The following ETV1 variants were observed in gnomAD, a reference collection of about 807,000 sequenced individuals.
ETV1 encodes the protein ETS translocation variant 1.
A neutral mutation model predicts 62.3 loss-of-function variants in ETV1; 27 were observed. That is an observed-to-expected ratio of 0.43 (90% confidence interval 0.32 to 0.60). The LOEUF (loss-of-function observed/expected upper bound fraction) is 0.60. Ranked by LOEUF, ETV1 falls within the 20% of genes least tolerant of loss-of-function variation. The pLI is 0.06. For synonymous variants in ETV1, 222 were observed against 199.6 expected, an observed-to-expected ratio of 1.11 and a Z score of -0.94; for missense variants, 605 against 605.8, an observed-to-expected ratio of 1.00 and a Z score of 0.01.
chr7:13,989,129 C>CT lies in ETV1; in HGVS notation c.-78dup, dbSNP rs1782830716. The CT allele has an allele frequency of 5.5e-6, 7 of 1,280,118 alleles. No homozygotes were observed. Among genetic ancestry groups the CT allele is most frequent in the Non-Finnish European group, 7.8e-6 (7 of 901,692 alleles). The allele number at this position is 1,280,118 out of a possible 1,614,324, so 79.3% of individuals were successfully genotyped here. On this transcript the variant is annotated 5_prime_UTR_variant, in exon 3 of 14. Coordinates refer to ENST00000430479, the MANE Select transcript of ETV1 (RefSeq NM_004956.5). ...GCTGGAGATTTCCTCAGGATCTGGA[C>CT]TTCTATCAACCTAGAGGGGAACAAG...
At chr7:13,896,743 G>GGAAAGAAAGAA (rs1781848504) in intron 13 of ETV1, among the ~76,000 whole-genome samples, 4 of 115,302 alleles carry the variant, frequency 3.5e-5, no homozygotes, top group Non-Finnish European at 7.0e-5. Flanking sequence ...AAGAAAGAAA[G>GGAAAGAAAGAA]GAAAGAAAGA....
chr7:13,938,370 A>C (rs1447360875), intron 7 of ETV1, among the ~76,000 whole-genome samples: 1 of 152,242 alleles, frequency 6.6e-6, no homozygotes, highest in Non-Finnish European at 1.5e-5. Flanking sequence ...ATAACTTATA[A>C]AACAGTATGA....
At chr7:13,972,095 G>C (rs1353638853) in intron 6 of ETV1, among the ~76,000 whole-genome samples, 1 of 151,928 alleles carries the variant, frequency 6.6e-6, no homozygotes, top group Non-Finnish European at 1.5e-5. Context: ...GGATGATACA[G>C]CGAGACTCTG....
At chr7:13,913,622 A>C (rs1032302879) in intron 9 of ETV1, among the ~76,000 whole-genome samples, 2 of 152,150 alleles carry the variant, frequency 1.3e-5, no homozygotes, top group Non-Finnish European at 2.9e-5. Flanking sequence ...CAAGTATTTA[A>C]ACTGAGTACT....
At chr7:13,948,072 T>C (rs1014047712) in intron 6 of ETV1, among the ~76,000 whole-genome samples, 1 of 152,214 alleles carries the variant, frequency 6.6e-6, no homozygotes, top group Non-Finnish European at 1.5e-5. Context: ...TTTTAGGCAA[T>C]CTGCCTTCTT....
intron 11 of ETV1, 24 bp from the exon 12 acceptor site, chr7:13,906,623 T>C (rs769109873): frequency 1.9e-6 from 3 of 1,546,388 alleles, no homozygotes; most frequent in East Asian, 4.6e-5. Flanking sequence ...TTTTTAAGTT[T>C]CTATTATTAG....
chr7:13,935,895 C>G lies in ETV1; in HGVS notation c.367G>C (p.Ala123Pro). 1 of 1,610,602 alleles carries G rather than the reference C, an allele frequency of 6.2e-7. No individual in the cohort carries two copies. Among genetic ancestry groups the G allele is most frequent in the Non-Finnish European group, 8.5e-7 (1 of 1,177,710 alleles). ...CCCACTTGTGGCTTCTGATCATAGG[C>G]ACTACCCAGGGGACAAAAGAAGAGA... is the stretch of plus-strand genomic sequence containing the variant. ...YGEKCLYNVS[A>P]YDQKPQVGMR... Residue 123 changes from alanine (A) to proline (P), a missense_variant and splice_region_variant, in exon 8 of 14, where the codon GCC becomes CCC. Coordinates refer to ENST00000430479, the MANE Select transcript of ETV1 (RefSeq NM_004956.5).
upstream of ETV1, chr7:13,990,782 A>G: frequency 6.6e-6 from 1 of 152,370 alleles, no homozygotes; most frequent in Non-Finnish European, 1.5e-5. Flanking sequence ...GGATAGGACC[A>G]GGGACTCAAT....
chr7:13,987,029 T>C, intron 4 of ETV1: 1 of 216,262 alleles, frequency 4.6e-6, no homozygotes, highest in Non-Finnish European at 8.9e-6. Context: ...CTTCCTTAAA[T>C]ATATTTAACT....
At chr7:13,936,704 C>G (rs1030887117) in intron 7 of ETV1, among the ~76,000 whole-genome samples, 2 of 152,086 alleles carry the variant, frequency 1.3e-5, no homozygotes, top group African/African-American at 4.8e-5. Flanking sequence ...ACTAAATTTT[C>G]TTAAATTTTT....
chr7:13,955,858 T>G (rs1274386057), intron 6 of ETV1, among the ~76,000 whole-genome samples: 1 of 152,170 alleles, frequency 6.6e-6, no homozygotes, highest in Non-Finnish European at 1.5e-5. Flanking sequence ...AGAACACATC[T>G]CTAATTTTTC....
intron 5 of ETV1, among the ~76,000 whole-genome samples, chr7:13,979,343 A>G (rs1781756726): frequency 6.6e-6 from 1 of 152,096 alleles, no homozygotes; most frequent in Non-Finnish European, 1.5e-5. Flanking sequence ...TGTCATTACA[A>G]CGCTCAGTTT....
intron 6 of ETV1, among the ~76,000 whole-genome samples, chr7:13,943,182 G>A (rs529107343): frequency 6.6e-6 from 1 of 152,252 alleles, no homozygotes; most frequent in African/African-American, 2.4e-5. Context: ...CAGGCCAGTA[G>A]TTCACAAAAG....
chr7:13,951,171 T>C (rs977637263), intron 6 of ETV1, among the ~76,000 whole-genome samples: 2 of 151,958 alleles, frequency 1.3e-5, no homozygotes, highest in South Asian at 2.1e-4. Flanking sequence ...TATGTACAAG[T>C]AAATGTGCAT....
intron 6 of ETV1, among the ~76,000 whole-genome samples, chr7:13,961,451 C>T (rs1190539999): frequency 6.6e-6 from 1 of 152,090 alleles, no homozygotes; most frequent in Non-Finnish European, 1.5e-5. Context: ...TAGCAATGAT[C>T]ATAAAATTAG....
intron 6 of ETV1, among the ~76,000 whole-genome samples, chr7:13,942,169 G>T (rs932961005): frequency 2.0e-5 from 3 of 151,580 alleles, no homozygotes; most frequent in Non-Finnish European, 2.9e-5. Context: ...GACTACAGGC[G>T]CCCGCCACCA....
chr7:13,940,381 GA>G (rs1054101254), intron 6 of ETV1, among the ~76,000 whole-genome samples: 5 of 143,092 alleles, frequency 3.5e-5, no homozygotes, highest in African/African-American at 1.3e-4. Flanking sequence ...AGAAAAAAAA[GA>G]AAAAAAAGAA....
intron 6 of ETV1, among the ~76,000 whole-genome samples, chr7:13,952,330 G>A (rs1788922254): frequency 6.6e-6 from 1 of 152,174 alleles, no homozygotes; most frequent in Non-Finnish European, 1.5e-5. Flanking sequence ...ACTTACTGAT[G>A]TAAGAGAGAA....
At chr7:13,950,456 G>C (rs1368845257) in intron 6 of ETV1, among the ~76,000 whole-genome samples, 1 of 152,072 alleles carries the variant, frequency 6.6e-6, no homozygotes, top group Non-Finnish European at 1.5e-5. Flanking sequence ...TCTTGCCAGG[G>C]TGTACCTAAA....
Sources: allele counts gnomAD v4.1 joint callset (sites outside exome capture counted in the v4.1 genomes callset), GRCh38; gene constraint gnomAD v4.1.1; transcripts MANE v1.5; gene names NCBI Gene and HGNC (gene_info 2026-07-23, HGNC 2026-07-21).